Variants in PLCH2 observed in about 807,000 individuals in gnomAD.
PLCH2 encodes the protein phospholipase C eta 2.
Under a neutral mutation model 134.7 loss-of-function variants are expected in PLCH2, and 98 were observed. The observed-to-expected ratio is 0.73, with a 90% confidence interval of 0.62 to 0.86. PLCH2 has a LOEUF of 0.86. Ranked by LOEUF, PLCH2 falls within the 40% of genes least tolerant of loss-of-function variation. PLCH2 has a pLI of 0.00. For synonymous variants in PLCH2, 974 were observed against 827.5 expected (o/e 1.18, Z -3.04); for missense variants, 1,994 against 1,986.6 (o/e 1.00, Z -0.07).
At chr1:2,433,892 G>A (rs946591266) in intron 2 of PLCH2, among the ~76,000 whole-genome samples, 1 of 152,242 alleles carries the variant, frequency 6.6e-6, no homozygotes, top group Non-Finnish European at 1.5e-5. Flanking sequence ...CCCGGGTGAT[G>A]TTGGCCGTTT....
In PLCH2 at chr1:2,504,695, G is replaced by A. The variant is rs751660679; in HGVS notation, c.3733G>A (p.Val1245Met). 18 of 1,612,394 alleles carry A rather than the reference G, an allele frequency of 1.1e-5. No individual in the cohort carries two copies. The highest frequency in any genetic ancestry group is 2.7e-5 in the African/African-American group (2 of 74,930). ...PPWGCLSLVG[V>M]QDCPVAAKSK... ...CTGGGGCTGCCTTTCCCTGGTGGGC[G>A]TGCAGGACTGCCCCGTGGCTGCCAA... Residue 1245 changes from valine to methionine, a missense_variant, in exon 22 of 22, where the codon GTG becomes ATG. Physicochemically the swap from Val to Met is conservative, Grantham distance 21 (BLOSUM62 1). Coordinates refer to ENST00000378486, the MANE Select transcript of PLCH2 (RefSeq NM_014638.4).
chr1:2,502,723 G>A (rs776917127), intron 21 of PLCH2: 1 of 714,904 alleles, frequency 1.4e-6, no homozygotes, highest in South Asian at 1.5e-5. Flanking sequence ...CCTGGAGGCA[G>A]GGTCCAGGCG....
At chr1:2,490,902 A>C (rs1350705830) in intron 10 of PLCH2, among the ~76,000 whole-genome samples, 1 of 152,256 alleles carries the variant, frequency 6.6e-6, no homozygotes, top group Non-Finnish European at 1.5e-5. Flanking sequence ...CATGGTGGCC[A>C]GTGGTGGGAC....
At chr1:2,463,378 C>A (rs1177513578), upstream of PLCH2, among the ~76,000 whole-genome samples, 1 of 152,250 alleles carries the variant, frequency 6.6e-6, no homozygotes, top group African/African-American at 2.4e-5. Flanking sequence ...ACATGGGGGA[C>A]CTCGCTGTGT....
In PLCH2 at chr1:2,498,930, G is replaced by C; in HGVS notation, c.2434+102G>C. On this transcript the variant is annotated intron_variant, in intron 18 of 21. Coordinates refer to ENST00000378486, the MANE Select transcript of PLCH2 (RefSeq NM_014638.4). The surrounding 1 kb of genome is among the most constrained non-coding windows in gnomAD (Gnocchi z 5.4). ...GGGTGCCCTGCCCAGGCCTCCCTCAGTGACAGTCCTGGGCGCCCTCCCCTC... is the reference window on the plus strand; with the variant it reads ...GGGTGCCCTGCCCAGGCCTCCCTCACTGACAGTCCTGGGCGCCCTCCCCTC... The C allele has an allele frequency of 7.4e-7, 1 of 1,345,244 alleles. No individual in the cohort carries two copies. Among genetic ancestry groups the C allele is most frequent in the Non-Finnish European group, 1.0e-6 (1 of 964,392 alleles). 83.3% of individuals were successfully genotyped at this position (1,345,244 alleles called of 1,614,324 possible). A position where few individuals can be genotyped will look rare whatever the true frequency, so the allele number is the denominator to read the frequency against.
In PLCH2 at chr1:2,459,406, T is replaced by C. The variant is rs968887003; in HGVS notation, c.116-19070T>C. Among the ~76,000 whole-genome samples, 18 of 117,790 alleles carry C rather than the reference T, an allele frequency of 1.5e-4. 1 individual carries two copies. Among genetic ancestry groups the C allele is most frequent in the African/African-American group, 6.4e-4 (18 of 28,130 alleles). The allele number at this position is 117,790 out of a possible 152,430, so 77.3% of individuals were successfully genotyped here. On this transcript the variant is annotated intron_variant, in intron 2 of 3. Transcript: ENST00000609981. ...TGGTCCTCCTTCCTGGTGGTTCTCC[T>C]TCCTGGTGGTCCTCCTTGCCGGTGG...
At chr1:2,497,155 C>A in intron 15 of PLCH2, 145 bp downstream of exon 15, 2 of 812,182 alleles carry the variant, frequency 2.5e-6, no homozygotes, top group South Asian at 1.8e-5. Flanking sequence ...ACCTCTGTGG[C>A]ATGCTGCCGA....
intron 2 of PLCH2, among the ~76,000 whole-genome samples, chr1:2,462,386 CCCCCTCCGCCTGACA>C (rs1359841967): frequency 1.5e-5 from 2 of 134,066 alleles, no homozygotes; most frequent in East Asian, 2.3e-4. Context: ...CCACCTGACA[CCCCCTCCGCCTGACA>C]CCCCTCTGCC....
At chr1:2,477,379 C>T (rs1158629806) in intron 1 of PLCH2, among the ~76,000 whole-genome samples, 1 of 152,212 alleles carries the variant, frequency 6.6e-6, no homozygotes, top group Non-Finnish European at 1.5e-5. Flanking sequence ...TCCATCCCTT[C>T]AATTCCCCTC....
chr1:2,429,148 G>A (rs1049206608), intron 1 of PLCH2, among the ~76,000 whole-genome samples: 2 of 152,172 alleles, frequency 1.3e-5, no homozygotes, highest in Non-Finnish European at 2.9e-5. Flanking sequence ...GAGGAGGGAG[G>A]CGAGGTCAAG....
At chr1:2,416,065 G>C in the PLCH2 span, among the ~76,000 whole-genome samples, 1 of 152,198 alleles carries the variant, frequency 6.6e-6, no homozygotes, top group Non-Finnish European at 1.5e-5. Context: ...AGCCCCGCAG[G>C]TGATCTGACG....
At chr1:2,452,034 C>T (rs79549405) in intron 2 of PLCH2, among the ~76,000 whole-genome samples, 73 of 152,330 alleles carry the variant, frequency 4.8e-4, no homozygotes, top group Non-Finnish European at 7.9e-4. Flanking sequence ...CAGAGACTTC[C>T]GTCTGGGCCC....
upstream of PLCH2, among the ~76,000 whole-genome samples, chr1:2,466,921 C>G (rs1293180625): frequency 2.0e-5 from 3 of 152,132 alleles, no homozygotes; most frequent in African/African-American, 7.2e-5. Flanking sequence ...TCACCATCAC[C>G]AGGAGCTACT....
rs1643000622 is a variant in PLCH2 at position 2,498,182 on chromosome 1, G to C, written c.2225-341G>C. 1 of 332,000 alleles carries C rather than the reference G, an allele frequency of 3.0e-6. No individual in the cohort carries two copies. Among genetic ancestry groups the C allele is most frequent in the African/African-American group, 2.1e-5 (1 of 47,356 alleles). The allele number at this position is 332,000 out of a possible 1,614,324, so 20.6% of individuals were successfully genotyped here. ...CTGCCCTTGGCTTGCCCTCCTCAGA[G>C]TTCTCAGCCTGAGTGGGCCCTGGGG... On this transcript the variant is annotated intron_variant, in intron 16 of 21. Transcript: ENST00000378486. This position sits in a 1 kb window ranked among gnomAD's most constrained non-coding sequence, Gnocchi z 5.4.
chr1:2,487,249 G>C lies in PLCH2; in HGVS notation c.987G>C (p.Thr329=). ...PEHHHVHQDM[T]QPLSHYFITS... is the part of the protein sequence containing the mutation. The stretch of plus-strand genomic sequence containing the variant: ...ACCACCATGTGCACCAGGACATGAC[G>C]CAGCCGCTGAGCCACTACTTCATCA... The change falls in exon 7 of 22, where the codon ACG becomes ACC. Residue 329 remains threonine (T), a synonymous_variant. Transcript: ENST00000378486. 1 of 1,611,340 alleles carries C rather than the reference G, an allele frequency of 6.2e-7. No homozygotes were observed. The highest frequency in any genetic ancestry group is 1.1e-5 in the South Asian group (1 of 90,554).
intron 2 of PLCH2, among the ~76,000 whole-genome samples, chr1:2,443,457 G>A (rs12754473): frequency 0.19 from 28,194 of 152,084 alleles, 3,877 homozygotes; most frequent in African/African-American, 0.39. Context: ...TCTCGGCCCC[G>A]CCCCCTTCCC....
At chr1:2,495,223 C>T (rs186432200) in intron 12 of PLCH2, among the ~76,000 whole-genome samples, 23 of 152,326 alleles carry the variant, frequency 1.5e-4, no homozygotes, top group African/African-American at 4.8e-4. Flanking sequence ...GGAACAGGTG[C>T]CTGGCTGGCT....
At chr1:2,500,673 G>A (rs942502345) in intron 20 of PLCH2, 1 of 152,258 alleles carries the variant, frequency 6.6e-6, no homozygotes, top group African/African-American at 2.4e-5. Flanking sequence ...CATGTGACGT[G>A]GATCATGACA....
chr1:2,503,724 C>G (rs1334566884), intron 21 of PLCH2, 198 bp from the exon 22 acceptor site: 2 of 621,668 alleles, frequency 3.2e-6, no homozygotes, highest in Non-Finnish European at 5.8e-6. Flanking sequence ...TGGACTGGGC[C>G]CCAGCAGCAG....
Sources: allele counts gnomAD v4.1 joint callset (sites outside exome capture counted in the v4.1 genomes callset), GRCh38; gene constraint gnomAD v4.1.1; non-coding constraint Gnocchi (gnomAD v3.1); transcripts MANE v1.5; gene names NCBI Gene and HGNC (gene_info 2026-07-23, HGNC 2026-07-21).